The following GPR137 variants were observed in gnomAD, a reference collection of about 807,000 sequenced individuals.
GPR137 encodes G protein-coupled receptor 137.
Under a neutral mutation model 38.9 loss-of-function variants are expected in GPR137, and 20 were observed. The ratio of observed to expected loss-of-function variants is 0.51; its 90% CI spans 0.36 to 0.75. The LOEUF (loss-of-function observed/expected upper bound fraction) is 0.75, where lower values mean the gene tolerates loss of function less well. GPR137 is among the 30% of genes least tolerant of loss of function. The pLI is 0.00. For missense variants in GPR137, 456 were observed against 526.4 expected, an observed-to-expected ratio of 0.87 and a Z score of 1.31; for synonymous variants, 226 against 235.8, an observed-to-expected ratio of 0.96 and a Z score of 0.38.
chr11:64,289,086 G>A lies in GPR137; in HGVS notation c.1081G>A (p.Glu361Lys), dbSNP rs1189439024. The change falls in exon 7 of 7, where the codon GAG (glutamate) becomes AAG (lysine). Residue 361 changes from glutamate to lysine, a missense_variant. Coordinates refer to ENST00000438980, the MANE Select transcript of GPR137 (RefSeq NM_001170880.2). ...GAGCTGGTATGGTGCCATCGGGCGTGAGCCGGGCTGGTATGGGGGCAGCCA... is the reference window on the plus strand; with the variant it reads ...GAGCTGGTATGGTGCCATCGGGCGTAAGCCGGGCTGGTATGGGGGCAGCCA... Reference protein sequence around the residue: ...SGSWYGAIGREPGWYGGSQTK... With the variant: ...SGSWYGAIGRKPGWYGGSQTK... 1 of 1,610,434 alleles carries A rather than the reference G, an allele frequency of 6.2e-7. No individual in the cohort carries two copies. The highest frequency in any genetic ancestry group is 8.5e-7 in the Non-Finnish European group (1 of 1,179,378).
At chr11:64,284,946 A>G, upstream of GPR137, 1 of 1,396,638 alleles carries the variant, frequency 7.2e-7, no homozygotes, top group Non-Finnish European at 9.3e-7. Flanking sequence ...GAACCTGGAG[A>G]CCCACTTCTG....
chr11:64,287,622 C>T lies in GPR137; in HGVS notation c.408-99C>T. ...GAGGAACAGGGCTCAGACTGGATGC[C>T]CTGAGTTTTGTCGACATTGGGGTTT... is the stretch of plus-strand genomic sequence containing the variant. On this transcript the variant is annotated intron_variant, in intron 2 of 6. Coordinates refer to ENST00000438980, the MANE Select transcript of GPR137 (RefSeq NM_001170880.2). 3.8e-6 allele frequency: 6 copies of T among 1,568,154 alleles called. No individual in the cohort carries two copies. The South Asian group carries it at 5.7e-5, about 15-fold the overall frequency.
At chr11:64,273,845 G>C, upstream of GPR137, among the ~76,000 whole-genome samples, 1 of 102,330 alleles carries the variant, frequency 9.8e-6, no homozygotes, top group Admixed American at 1.6e-4. Context: ...TCACGCCACT[G>C]CACCCATCTC....
In GPR137 at chr11:64,286,516, C is replaced by T. The variant is rs199694299; in HGVS notation, c.-9C>T. Reference sequence around the variant, plus strand: ...GTCTGTCTCCGGGATTCAGGCCTCCCTCCCTGACATGGAGAGTAACCTGTC... The same window carrying T: ...GTCTGTCTCCGGGATTCAGGCCTCCTTCCCTGACATGGAGAGTAACCTGTC... On this transcript the variant is annotated 5_prime_UTR_variant, in exon 1 of 7. Transcript: ENST00000438980. 803 of 1,600,734 alleles carry T rather than the reference C, an allele frequency of 5.0e-4. 6 individuals carry two copies. The highest frequency in any genetic ancestry group is 4.5e-4 in the Admixed American group (26 of 58,380).
chr11:64,287,171 T>C lies in GPR137; in HGVS notation c.407+157T>C, dbSNP rs1336434291. 6 of 985,206 alleles carry C rather than the reference T, an allele frequency of 6.1e-6. No individual in the cohort carries two copies. In the Admixed American group the frequency reaches 3.7e-4, roughly 61 times the overall value. The allele number at this position is 985,206 out of a possible 1,614,324, so 61.0% of individuals were successfully genotyped here. On this transcript the variant is annotated intron_variant, in intron 2 of 6. Transcript: ENST00000438980. ...AGTTAAAGCACCTGGCGCAGATGGC[T>C]CAGCAGAGGCCTTGCAGATCTGCAA...
chr11:64,286,257 C>T lies in GPR137; in HGVS notation c.-268C>T. On this transcript the variant is annotated 5_prime_UTR_variant, in exon 1 of 7. Transcript: ENST00000438980. ...GGGGTAGGCCCAGGGAGGAGACACC[C>T]CCAACCCCTATCCGGTCTGTCCTGG... 1 of 1,310,006 alleles carries T rather than the reference C, an allele frequency of 7.6e-7. No individual in the cohort carries two copies. Among genetic ancestry groups the T allele is most frequent in the Non-Finnish European group, 9.7e-7 (1 of 1,030,310 alleles). The allele number at this position is 1,310,006 out of a possible 1,614,324, so 81.1% of individuals were successfully genotyped here.
At chr11:64,283,922 AC>A (rs1388413880), upstream of GPR137, among the ~76,000 whole-genome samples, 1 of 152,234 alleles carries the variant, frequency 6.6e-6, no homozygotes, top group Non-Finnish European at 1.5e-5. Context: ...GGTGTGAGCC[AC>A]CACGCCCGGC....
chr11:64,286,137 A>G lies in GPR137; in HGVS notation c.-388A>G. On this transcript the variant is annotated 5_prime_UTR_variant, in exon 1 of 7. Coordinates refer to ENST00000438980, the MANE Select transcript of GPR137 (RefSeq NM_001170880.2). ...CGGCCGCTGCCCTGACCCGACGGGT[A>G]TCAGCCGGCTCTCCCCCTCCACCCA... 1 of 1,009,988 alleles carries G rather than the reference A, an allele frequency of 9.9e-7. No individual in the cohort carries two copies. Among genetic ancestry groups the G allele is most frequent in the Non-Finnish European group, 1.2e-6 (1 of 846,322 alleles). The allele number at this position is 1,009,988 out of a possible 1,614,324, so 62.6% of individuals were successfully genotyped here.
chr11:64,270,900 GACACACACACAC>G (rs71045754), upstream of GPR137, among the ~76,000 whole-genome samples: 10 of 87,654 alleles, frequency 1.1e-4, no homozygotes, highest in South Asian at 4.3e-4. Flanking sequence ...TGCCCTGTGA[GACACACACACAC>G]ACACACACAC....
At chr11:64,284,987 A>G, upstream of GPR137, 1 of 1,334,402 alleles carries the variant, frequency 7.5e-7, no homozygotes, top group South Asian at 1.7e-5. Flanking sequence ...TCTGGGCCTT[A>G]GTTTCCCCCC....
At chr11:64,285,401 G>C, upstream of GPR137, 3 of 984,850 alleles carry the variant, frequency 3.0e-6, no homozygotes, top group Non-Finnish European at 3.6e-6. Context: ...CCGCGGGCGC[G>C]CCGGGGCGAG....
At chr11:64,284,997 C>T, upstream of GPR137, 2 of 1,295,166 alleles carry the variant, frequency 1.5e-6, no homozygotes, top group Non-Finnish European at 2.0e-6. Flanking sequence ...AGTTTCCCCC[C>T]AGTGAAGTGG....
intron 2 of GPR137, chr11:64,287,496 G>A (rs1038670355): frequency 1.6e-6 from 1 of 620,712 alleles, no homozygotes; most frequent in African/African-American, 2.0e-5. Flanking sequence ...CTGGGGCTCA[G>A]ACAGAGACTT....
In GPR137 at chr11:64,289,487, G is replaced by A. The variant is rs564638244; in HGVS notation, c.*291G>A. ...CTGCCACTCAATAAACAGTGTCTGC[G>A]CCCCACAGTTGTGCACCTGTCTGTC... On this transcript the variant is annotated 3_prime_UTR_variant, in exon 7 of 7. Coordinates refer to ENST00000438980, the MANE Select transcript of GPR137 (RefSeq NM_001170880.2). 43 of 1,432,282 alleles carry A rather than the reference G, an allele frequency of 3.0e-5. No homozygotes were observed. The highest frequency in any genetic ancestry group is 1.4e-4 in the African/African-American group (10 of 69,888). 88.7% of individuals were successfully genotyped at this position (1,432,282 alleles called of 1,614,324 possible).
chr11:64,278,063 G>C (rs1345581563), intron 2 of GPR137, among the ~76,000 whole-genome samples: 2 of 152,122 alleles, frequency 1.3e-5, no homozygotes, highest in Non-Finnish European at 2.9e-5. Flanking sequence ...CAAGGCAAAA[G>C]GACTGCTTGA....
At chr11:64,274,992 CAAAAAAAAA>C (rs34418386), upstream of GPR137, among the ~76,000 whole-genome samples, 5 of 54,406 alleles carry the variant, frequency 9.2e-5, no homozygotes, top group African/African-American at 2.8e-4. Flanking sequence ...GACTTTGTCT[CAAAAAAAAA>C]AAAAAAAAAA....
upstream of GPR137, chr11:64,285,227 C>T (rs1204818015): frequency 8.1e-6 from 8 of 987,490 alleles, no homozygotes; most frequent in African/African-American, 3.5e-5. Flanking sequence ...CCTCGGGGGA[C>T]ACCTCCCGCG....
At chr11:64,284,673 C>A, upstream of GPR137, 6 of 1,535,406 alleles carry the variant, frequency 3.9e-6, no homozygotes, top group Non-Finnish European at 5.2e-6. Flanking sequence ...CCTGCCGCCT[C>A]CCTCCAGCAC....
Position 64,286,971 on chromosome 11 carries a change from T to G in GPR137, c.364T>G (p.Phe122Val), listed in dbSNP as rs746694445. 5 of 1,613,884 alleles carry G rather than the reference T, an allele frequency of 3.1e-6. No homozygotes were observed. Among genetic ancestry groups the G allele is most frequent in the South Asian group, 1.1e-5 (1 of 91,088 alleles). The change falls in exon 2 of 7, where the codon TTC becomes GTC. Residue 122 changes from phenylalanine to valine, a missense_variant. Coordinates refer to ENST00000438980, the MANE Select transcript of GPR137 (RefSeq NM_001170880.2). ...AGGGCATCTCTGCTCCTAGGTGGTGTTCAAGGCCAAGGTGAAGCGTCGGCC... is the reference window on the plus strand; with the variant it reads ...AGGGCATCTCTGCTCCTAGGTGGTGGTCAAGGCCAAGGTGAAGCGTCGGCC... ...LMNLYFAQVVFKAKVKRRPEM... is the reference protein window; with the variant it reads ...LMNLYFAQVVVKAKVKRRPEM...
Sources: allele counts gnomAD v4.1 joint callset (sites outside exome capture counted in the v4.1 genomes callset), GRCh38; gene constraint gnomAD v4.1.1; transcripts MANE v1.5; gene names NCBI Gene and HGNC (gene_info 2026-07-23, HGNC 2026-07-21).